Variants in LMOD3 observed in about 807,000 individuals in gnomAD.
The protein encoded by LMOD3 is leiomodin 3.
In LMOD3, 31 loss-of-function variants were observed where a neutral mutation model predicts 41.8. That is an observed-to-expected ratio of 0.74 (90% CI 0.56 to 1.00). LMOD3 has a LOEUF of 1.00. Ranked by LOEUF, LMOD3 falls within the 50% of genes least tolerant of loss-of-function variation. The pLI is 0.00. For synonymous variants in LMOD3, 292 were observed against 241.9 expected (o/e 1.21, Z -1.92); for missense variants, 755 against 679.5 (o/e 1.11, Z -1.23).
intron 2 of LMOD3, among the ~76,000 whole-genome samples, chr3:69,112,349 C>A (rs1197874512): frequency 1.3e-5 from 2 of 152,210 alleles, no homozygotes. Context: ...TGGACCAACA[C>A]CTCAGTGGAT....
chr3:69,107,459 T>G lies in LMOD3; in HGVS notation c.*1636A>C, dbSNP rs1332380647. 1.3e-5 allele frequency: 1 copy of G among 79,460 alleles called. No individual in the cohort carries two copies. Among genetic ancestry groups the G allele is most frequent in the African/African-American group, 6.9e-5 (1 of 14,560 alleles). 4.9% of individuals were successfully genotyped at this position (79,460 alleles called of 1,614,324 possible). A position where few individuals can be genotyped will look rare whatever the true frequency, so the allele number is the denominator to read the frequency against. ...GAGAGAAAAGGCACCAAAGGTTTTT[T>G]TTTTTTTTTTTTTTTTTTTTTTTTT... On this transcript the variant is annotated 3_prime_UTR_variant, in exon 3 of 3. Coordinates refer to ENST00000420581, the MANE Select transcript of LMOD3 (RefSeq NM_198271.5).
chr3:69,115,953 C>T (rs774483021), intron 2 of LMOD3, among the ~76,000 whole-genome samples: 1 of 152,094 alleles, frequency 6.6e-6, no homozygotes, highest in Non-Finnish European at 1.5e-5. Flanking sequence ...CCTGTTGATA[C>T]TACACACACA....
chr3:69,121,506 A>G (rs2092407534), intron 1 of LMOD3, among the ~76,000 whole-genome samples: 1 of 152,228 alleles, frequency 6.6e-6, no homozygotes, highest in African/African-American at 2.4e-5. Flanking sequence ...CAGGTTTTAG[A>G]AAGTGAAGAA....
intron 2 of LMOD3, among the ~76,000 whole-genome samples, chr3:69,109,979 T>C (rs1298425985): frequency 2.0e-5 from 3 of 152,198 alleles, no homozygotes; most frequent in African/African-American, 4.8e-5. Flanking sequence ...GTGCTCATTA[T>C]TATACACTGC....
chr3:69,121,997 A>C, intron 1 of LMOD3, 96 bp downstream of exon 1: 1 of 1,025,394 alleles, frequency 9.8e-7, no homozygotes, highest in Non-Finnish European at 1.4e-6. Context: ...AAGCAGAACC[A>C]AACCCTGGAG....
Position 69,106,287 on chromosome 3 carries a change from A to G in LMOD3, c.*2808T>C, listed in dbSNP as rs952224798. Among the ~76,000 whole-genome samples, 1 of 152,136 alleles carries G rather than the reference A, an allele frequency of 6.6e-6. No homozygotes were observed. Among genetic ancestry groups the G allele is most frequent in the East Asian group, 1.9e-4 (1 of 5,200 alleles). Reference sequence around the variant, plus strand: ...TACATGTTAGCCCAGTTTTATATACATGTTAGCCCATTCCATTTTCTACAA... The same window carrying G: ...TACATGTTAGCCCAGTTTTATATACGTGTTAGCCCATTCCATTTTCTACAA... On this transcript the variant is annotated 3_prime_UTR_variant, in exon 3 of 3. Transcript: ENST00000420581.
Position 69,119,860 on chromosome 3 carries a change from C to G in LMOD3, c.495G>C (p.Glu165Asp), listed in dbSNP as rs1488501537. 3 of 1,557,794 alleles carry G rather than the reference C, an allele frequency of 1.9e-6. No individual in the cohort carries two copies. The highest frequency in any genetic ancestry group is 3.9e-5 in the Admixed American group (2 of 51,386). The change falls in exon 2 of 3, where the codon GAG (glutamate) becomes GAC (aspartate). Residue 165 changes from glutamate to aspartate, a missense_variant. Physicochemically the swap from Glu to Asp is conservative, Grantham distance 45 (BLOSUM62 2). Transcript: ENST00000420581. The stretch of plus-strand genomic sequence containing the variant: ...CCTCTTCTCTGTTCGTTTCTTCACT[C>G]TCTTCACCATCATCTTCTCCTTCGT... ...DDDEGEDDGEESEETNREEEG... is the reference protein window; with the variant it reads ...DDDEGEDDGEDSEETNREEEG...
chr3:69,122,030 C>T, intron 1 of LMOD3, 63 bp downstream of exon 1: 1 of 1,361,210 alleles, frequency 7.3e-7, no homozygotes, highest in Non-Finnish European at 1.0e-6. Context: ...ACAGTTACAA[C>T]AGAGAGACCT....
Position 69,108,465 on chromosome 3 carries a change from G to A in LMOD3, c.*630C>T, listed in dbSNP as rs1285130446. The A allele has an allele frequency of 6.6e-6, 1 of 152,062 alleles. No individual in the cohort carries two copies. Among genetic ancestry groups the A allele is most frequent in the African/African-American group, 2.4e-5 (1 of 41,362 alleles). 9.4% of individuals were successfully genotyped at this position (152,062 alleles called of 1,614,324 possible). ...TGGCTTACGTGTTCTGCCCCTCACA[G>A]GTACCCCTATAGAAAGAATACTCCA... is the stretch of plus-strand genomic sequence containing the variant. On this transcript the variant is annotated 3_prime_UTR_variant, in exon 3 of 3. Coordinates refer to ENST00000420581, the MANE Select transcript of LMOD3 (RefSeq NM_198271.5).
At chr3:69,117,623 G>A (rs763994952) in intron 2 of LMOD3, among the ~76,000 whole-genome samples, 4 of 152,040 alleles carry the variant, frequency 2.6e-5, no homozygotes, top group African/African-American at 7.3e-5. Context: ...GGCAGTAATC[G>A]TGGATCATGG....
intron 2 of LMOD3, among the ~76,000 whole-genome samples, chr3:69,113,555 A>G (rs2092358743): frequency 6.6e-6 from 1 of 152,234 alleles, no homozygotes; most frequent in Non-Finnish European, 1.5e-5. Flanking sequence ...CTTTTGATGT[A>G]CTAAGGCGGC....
At chr3:69,118,202 A>G (rs1238018901) in intron 2 of LMOD3, among the ~76,000 whole-genome samples, 1 of 152,268 alleles carries the variant, frequency 6.6e-6, no homozygotes, top group African/African-American at 2.4e-5. Flanking sequence ...TGTGGCTGGA[A>G]TGGTGTTCTT....
At position 69,122,159 on chromosome 3, in the gene LMOD3, A is replaced by G. The variant is rs1575883533; in HGVS notation, c.228T>C (p.Tyr76=). ...FNHKSLVDYM[Y]WEKASRRMLE... ...GCATGCGCCTGGATGCCTTTTCCCA[A>G]TACATATAATCAACAAGAGATTTAT... Residue 76 remains tyrosine, a synonymous_variant, in exon 1 of 3, where the codon TAT becomes TAC. Coordinates refer to ENST00000420581, the MANE Select transcript of LMOD3 (RefSeq NM_198271.5). 2 of 1,612,964 alleles carry G rather than the reference A, an allele frequency of 1.2e-6. No homozygotes were observed. The highest frequency in any genetic ancestry group is 1.7e-6 in the Non-Finnish European group (2 of 1,179,536).
chr3:69,118,155 C>A (rs2092385466), intron 2 of LMOD3, among the ~76,000 whole-genome samples: 1 of 152,116 alleles, frequency 6.6e-6, no homozygotes, highest in African/African-American at 2.4e-5. Context: ...TTATTCCTCA[C>A]TGTAGGTTCC....
At chr3:69,120,347 C>A (rs1463174361) in intron 1 of LMOD3, among the ~76,000 whole-genome samples, 1 of 151,906 alleles carries the variant, frequency 6.6e-6, no homozygotes, top group African/African-American at 2.4e-5. Flanking sequence ...AATTGTTCAT[C>A]GATACACTGA....
In LMOD3 at chr3:69,119,449, C is replaced by T. The variant is rs370070559; in HGVS notation, c.906G>A (p.Leu302=). 1.4e-5 allele frequency: 22 copies of T among 1,613,966 alleles called. No homozygotes were observed. The East Asian group carries it at 4.5e-4, about 33-fold the overall frequency. ...VGADENVAFA[L]ANMLRENRSI... ...TTCTATTTTCACGCAACATGTTAGC[C>T]AAGGCAAATGCTACATTCTCATCTG... Residue 302 remains leucine (L), a synonymous_variant, in exon 2 of 3, where the codon TTG becomes TTA. Coordinates refer to ENST00000420581, the MANE Select transcript of LMOD3 (RefSeq NM_198271.5).
In LMOD3 at chr3:69,119,548, T is replaced by C; in HGVS notation, c.807A>G (p.Glu269=). The part of the protein sequence containing the change: ...NLNNIENIPK[E]MLLDFVNAMK... The stretch of plus-strand genomic sequence containing the variant: ...TTGCATTGACAAAGTCCAGTAACAT[T>C]TCTTTGGGGATGTTTTCAATGTTGT... The change falls in exon 2 of 3, where the codon GAA becomes GAG. Residue 269 remains glutamate, a synonymous_variant. Transcript: ENST00000420581. The C allele has an allele frequency of 6.2e-7, 1 of 1,613,920 alleles. No homozygotes were observed. Among genetic ancestry groups the C allele is most frequent in the East Asian group, 2.2e-5 (1 of 44,892 alleles).
At position 69,119,501 on chromosome 3, in the gene LMOD3, T is replaced by G. The variant is rs553404036; in HGVS notation, c.854A>C (p.Lys285Thr). The G allele has an allele frequency of 1.2e-5, 19 of 1,614,010 alleles. No homozygotes were observed. The South Asian group carries it at 2.1e-4, about 18-fold the overall frequency. ...VNAMKKNKHIKTFSLANVGAD... is the reference protein window; with the variant it reads ...VNAMKKNKHITTFSLANVGAD... The stretch of plus-strand genomic sequence containing the variant: ...ACCCACATTGGCTAAACTGAATGTT[T>G]TGATGTGCTTGTTTTTCTTCATTGC... The change falls in exon 2 of 3, where the codon AAA (lysine) becomes ACA (threonine). Residue 285 changes from lysine (K) to threonine (T), a missense_variant. Coordinates refer to ENST00000420581, the MANE Select transcript of LMOD3 (RefSeq NM_198271.5).
At chr3:69,112,594 GAGAT>G (rs1370563079) in intron 2 of LMOD3, among the ~76,000 whole-genome samples, 1 of 152,218 alleles carries the variant, frequency 6.6e-6, no homozygotes, top group Non-Finnish European at 1.5e-5. Context: ...GATTCTAACA[GAGAT>G]AGAAGAAAAG....
Sources: allele counts gnomAD v4.1 joint callset (sites outside exome capture counted in the v4.1 genomes callset), GRCh38; gene constraint gnomAD v4.1.1; transcripts MANE v1.5; gene names NCBI Gene and HGNC (gene_info 2026-07-23, HGNC 2026-07-21).